The following CDH1 variants were observed in gnomAD, a reference collection of about 807,000 sequenced individuals.
The protein encoded by CDH1 is cadherin-1.
CDH1 carries 35 observed loss-of-function variants against 84.5 expected under a neutral mutation model. That is an observed-to-expected ratio of 0.41 (90% CI 0.32 to 0.55). The LOEUF (loss-of-function observed/expected upper bound fraction) is 0.55, where lower values mean the gene tolerates loss of function less well. CDH1 is among the 20% of genes least tolerant of loss of function. The probability of loss-of-function intolerance (pLI) is 0.19; values close to 1 mark genes in which losing one functional copy is unlikely to be tolerated. For missense variants in CDH1, 994 were observed against 1,126.6 expected, an observed-to-expected ratio of 0.88 and a Z score of 1.68; for synonymous variants, 417 against 439.0, an observed-to-expected ratio of 0.95 and a Z score of 0.63.
intron 2 of CDH1, among the ~76,000 whole-genome samples, chr16:68,745,300 G>A (rs1442266516): frequency 6.6e-6 from 1 of 151,312 alleles, no homozygotes; most frequent in Non-Finnish European, 1.5e-5. Flanking sequence ...TGGGCAACGT[G>A]GCGAGACCCC....
intron 2 of CDH1, among the ~76,000 whole-genome samples, chr16:68,774,347 C>G (rs112084070): frequency 6.6e-6 from 1 of 152,218 alleles, no homozygotes; most frequent in East Asian, 1.9e-4. Flanking sequence ...TGGTGAAACC[C>G]CATCTCTACT....
intron 2 of CDH1, among the ~76,000 whole-genome samples, chr16:68,762,936 A>G (rs1297757735): frequency 1.5e-5 from 2 of 132,444 alleles, no homozygotes; most frequent in Non-Finnish European, 3.3e-5. Context: ...AAAAAAAAAA[A>G]AAAAAAAGCC....
At chr16:68,795,491 G>A (rs879298297) in intron 2 of CDH1, among the ~76,000 whole-genome samples, 1 of 151,180 alleles carries the variant, frequency 6.6e-6, no homozygotes, top group South Asian at 2.1e-4. Context: ...TGATTTTTTT[G>A]TTTGTTTGTT....
At chr16:68,781,068 CG>C (rs1350956829) in intron 2 of CDH1, among the ~76,000 whole-genome samples, 4 of 152,218 alleles carry the variant, frequency 2.6e-5, no homozygotes, top group Non-Finnish European at 5.9e-5. Flanking sequence ...AAAAAAGTGT[CG>C]GCTGACAAGC....
chr16:68,746,966 A>T (rs994599064), intron 2 of CDH1, among the ~76,000 whole-genome samples: 1 of 151,852 alleles, frequency 6.6e-6, no homozygotes, highest in South Asian at 2.1e-4. Context: ...AAACAAACAA[A>T]CACACCAAAG....
At chr16:68,829,899 A>G (rs1961437784) in intron 15 of CDH1, 102 bp downstream of exon 15, 5 of 1,224,738 alleles carry the variant, frequency 4.1e-6, no homozygotes, top group South Asian at 3.7e-5. Context: ...TTCCTTTACT[A>G]TGTTTTCAGC....
chr16:68,751,587 C>G (rs570412880), intron 2 of CDH1, among the ~76,000 whole-genome samples: 2 of 152,184 alleles, frequency 1.3e-5, no homozygotes, highest in Non-Finnish European at 1.5e-5. Flanking sequence ...ACTGCAACCT[C>G]TGCCTCCTGG....
intron 2 of CDH1, among the ~76,000 whole-genome samples, chr16:68,798,892 T>C (rs1960428215): frequency 6.6e-6 from 1 of 152,212 alleles, no homozygotes; most frequent in Non-Finnish European, 1.5e-5. Context: ...GCATTTCTTC[T>C]TGATTCTTTC....
At chr16:68,756,871 G>A (rs866856184) in intron 2 of CDH1, among the ~76,000 whole-genome samples, 56 of 152,240 alleles carry the variant, frequency 3.7e-4, no homozygotes, top group African/African-American at 2.9e-4. Flanking sequence ...GCATGGTGGC[G>A]TGTGCCTGTG....
intron 2 of CDH1, among the ~76,000 whole-genome samples, chr16:68,792,941 G>A (rs889944643): frequency 1.3e-5 from 2 of 152,202 alleles, no homozygotes; most frequent in Non-Finnish European, 2.9e-5. Context: ...GCTCAGTGAA[G>A]ACAGAGACGA....
At position 68,810,358 on chromosome 16, in the gene CDH1, G is replaced by C. The variant is rs373179391; in HGVS notation, c.832+17G>C. ...CTCTTCCAGGTATATCCACTAATGAGAATCTGAATACTCAGAAAGACTCTT... is the reference window on the plus strand; with the variant it reads ...CTCTTCCAGGTATATCCACTAATGACAATCTGAATACTCAGAAAGACTCTT... On this transcript the variant is annotated intron_variant, in intron 6 of 15. Transcript: ENST00000261769. The C allele has an allele frequency of 3.2e-5, 52 of 1,611,874 alleles. No homozygotes were observed. Among genetic ancestry groups the C allele is most frequent in the Non-Finnish European group, 4.3e-5 (51 of 1,178,130 alleles).
chr16:68,823,873 C>G (rs1961244913), intron 13 of CDH1, among the ~76,000 whole-genome samples: 1 of 151,968 alleles, frequency 6.6e-6, no homozygotes, highest in Non-Finnish European at 1.5e-5. Flanking sequence ...TACCTTGTCT[C>G]TTTTCATTCT....
intron 2 of CDH1, among the ~76,000 whole-genome samples, chr16:68,756,729 G>C (rs1271653968): frequency 6.6e-6 from 1 of 152,138 alleles, no homozygotes; most frequent in African/African-American, 2.4e-5. Flanking sequence ...AAGAGGCCGG[G>C]TGCGGTAGCT....
At chr16:68,788,187 T>C (rs1366901611) in intron 2 of CDH1, among the ~76,000 whole-genome samples, 1 of 152,126 alleles carries the variant, frequency 6.6e-6, no homozygotes, top group African/African-American at 2.4e-5. Flanking sequence ...AACCTTGGCA[T>C]TTTTGGGTGC....
At chr16:68,753,212 CA>C (rs55703202) in intron 2 of CDH1, among the ~76,000 whole-genome samples, 2,681 of 69,914 alleles carry the variant, frequency 0.038, 22 homozygotes, top group African/African-American at 0.12. Flanking sequence ...GACTCAGTCT[CA>C]AAAAAAAAAA....
intron 2 of CDH1, among the ~76,000 whole-genome samples, chr16:68,766,076 G>T (rs994052844): frequency 6.6e-6 from 1 of 152,048 alleles, no homozygotes; most frequent in Non-Finnish European, 1.5e-5. Context: ...TGGCCAACAT[G>T]GTGAAACCCC....
Position 68,810,257 on chromosome 16 carries a change from A to G in CDH1, c.748A>G (p.Ile250Val), listed in dbSNP as rs1597892398. ...NAVEDPMEIL[I>V]TVTDQNDNKP... ...AGTTGAGGATCCAATGGAGATTTTG[A>G]TCACGGTAACCGATCAGAATGACAA... is the stretch of plus-strand genomic sequence containing the variant. The change falls in exon 6 of 16, where the codon ATC becomes GTC. Residue 250 changes from isoleucine to valine, a missense_variant. Coordinates refer to ENST00000261769, the MANE Select transcript of CDH1 (RefSeq NM_004360.5). 1 of 1,614,138 alleles carries G rather than the reference A, an allele frequency of 6.2e-7. No individual in the cohort carries two copies. The highest frequency in any genetic ancestry group is 2.2e-5 in the East Asian group (1 of 44,884).
chr16:68,764,128 G>A (rs1959302262), intron 2 of CDH1, among the ~76,000 whole-genome samples: 1 of 152,168 alleles, frequency 6.6e-6, no homozygotes, highest in Admixed American at 6.5e-5. Context: ...GGGTTTGGTG[G>A]GGGATGGGCT....
intron 2 of CDH1, among the ~76,000 whole-genome samples, chr16:68,752,321 A>G (rs1962907526): frequency 1.3e-5 from 2 of 152,282 alleles, no homozygotes; most frequent in Non-Finnish European, 2.9e-5. Context: ...ATTTTCTTCT[A>G]GTACTTTTCA....
Sources: gnomAD v4.1 joint callset for allele counts (sites outside exome capture counted in the v4.1 genomes callset) on GRCh38, gnomAD v4.1.1 for gene constraint, MANE v1.5 for transcripts, NCBI Gene and HGNC (gene_info 2026-07-23, HGNC 2026-07-21) for gene names.